Variants in RFX3 observed in about 807,000 individuals in gnomAD.
RFX3 encodes the protein transcription factor RFX3.
Under a neutral mutation model 98.6 loss-of-function variants are expected in RFX3, and 14 were observed. The observed-to-expected ratio is 0.14, with a 90% CI of 0.09 to 0.22. The LOEUF (loss-of-function observed/expected upper bound fraction) is 0.22. RFX3 is among the 10% of genes least tolerant of loss of function. RFX3 has a pLI of 1.00. For missense variants in RFX3, 639 were observed against 926.9 expected, an observed-to-expected ratio of 0.69 and a Z score of 4.03; for synonymous variants, 383 against 328.4, an observed-to-expected ratio of 1.17 and a Z score of -1.80.
chr9:3,411,439 T>G (rs1167336016), intron 1 of RFX3, among the ~76,000 whole-genome samples: 13 of 152,064 alleles, frequency 8.5e-5, no homozygotes, highest in African/African-American at 2.9e-4. Context: ...CTCGGCTCAC[T>G]GCAACCTCCA....
chr9:3,482,964 T>A (rs539798217), intron 1 of RFX3, among the ~76,000 whole-genome samples: 1 of 152,224 alleles, frequency 6.6e-6, no homozygotes. Flanking sequence ...ATGGGTAGAC[T>A]ATCCACAACC....
At chr9:3,249,265 G>A (rs994690027) in intron 14 of RFX3, among the ~76,000 whole-genome samples, 3 of 152,008 alleles carry the variant, frequency 2.0e-5, no homozygotes, top group African/African-American at 7.2e-5. Context: ...TTAAATAGAG[G>A]CTACTAATAC....
intron 2 of RFX3, among the ~76,000 whole-genome samples, chr9:3,379,794 G>C (rs1219866120): frequency 6.6e-6 from 1 of 152,002 alleles, no homozygotes; most frequent in Admixed American, 6.6e-5. Context: ...TCAATAATTT[G>C]TACTTATATC....
rs530044424 is a variant in RFX3 at position 3,359,270 on chromosome 9, T to G, written c.118-12506A>C. 2.6e-5 allele frequency among the ~76,000 whole-genome samples: 4 copies of G among 152,272 alleles called. No homozygotes were observed. In the East Asian group the frequency reaches 7.7e-4, roughly 29 times the overall value. The stretch of plus-strand genomic sequence containing the variant: ...AGTATCTTATGTATACATACCTCAT[T>G]CTACCAGTGAGAAGTTAAGAAGTTA... On this transcript the variant is annotated intron_variant, in intron 2 of 16. Transcript: ENST00000617270.
chr9:3,494,169 A>G (rs1056484515), intron 1 of RFX3, among the ~76,000 whole-genome samples: 7 of 152,228 alleles, frequency 4.6e-5, no homozygotes, highest in Non-Finnish European at 1.5e-5. Context: ...AAGACTGGTA[A>G]AGTGGCTCTA....
chr9:3,486,165 A>G (rs183593342), intron 1 of RFX3, among the ~76,000 whole-genome samples: 16 of 150,222 alleles, frequency 1.1e-4, no homozygotes. Context: ...AATAATACAG[A>G]TATTATTTAG....
chr9:3,437,956 A>C (rs371853307), intron 1 of RFX3, among the ~76,000 whole-genome samples: 9 of 152,132 alleles, frequency 5.9e-5, no homozygotes, highest in African/African-American at 2.2e-4. Context: ...AAAAAAACTA[A>C]TGACGTATAT....
At chr9:3,376,114 C>T (rs768204638) in intron 2 of RFX3, among the ~76,000 whole-genome samples, 45 of 152,130 alleles carry the variant, frequency 3.0e-4, no homozygotes, top group Non-Finnish European at 4.0e-4. Flanking sequence ...CAGAGAAATA[C>T]GGATTAAAAC....
chr9:3,477,148 A>C (rs1849341864), intron 1 of RFX3, among the ~76,000 whole-genome samples: 2 of 152,166 alleles, frequency 1.3e-5, no homozygotes, highest in Non-Finnish European at 2.9e-5. Flanking sequence ...CAGACAGCAA[A>C]GTATAATTCC....
intron 1 of RFX3, among the ~76,000 whole-genome samples, chr9:3,491,602 T>A (rs746132278): frequency 6.6e-6 from 1 of 152,208 alleles, no homozygotes; most frequent in Non-Finnish European, 1.5e-5. Flanking sequence ...CAGTCTACAG[T>A]CATCTGTGTT....
chr9:3,335,763 G>A (rs1833108269), intron 3 of RFX3, among the ~76,000 whole-genome samples: 2 of 152,184 alleles, frequency 1.3e-5, no homozygotes, highest in South Asian at 4.1e-4. Flanking sequence ...CTTGCCGACA[G>A]AAGCTTCTTC....
At chr9:3,319,229 A>T (rs1171287670) in intron 4 of RFX3, among the ~76,000 whole-genome samples, 1 of 152,038 alleles carries the variant, frequency 6.6e-6, no homozygotes, top group African/African-American at 2.4e-5. Flanking sequence ...CTTGTTGGAA[A>T]TGCAAGGGGC....
intron 1 of RFX3, among the ~76,000 whole-genome samples, chr9:3,453,262 A>C (rs1256778292): frequency 1.3e-5 from 2 of 152,034 alleles, no homozygotes; most frequent in African/African-American, 4.8e-5. Flanking sequence ...ACACCCCCCA[A>C]GTGTAACTGG....
chr9:3,406,580 A>C (rs1163507653), intron 1 of RFX3, among the ~76,000 whole-genome samples: 1 of 152,124 alleles, frequency 6.6e-6, no homozygotes, highest in Non-Finnish European at 1.5e-5. Flanking sequence ...ATGTAGCCAC[A>C]GTGCCCAATA....
At chr9:3,341,967 T>G (rs995547994) in intron 3 of RFX3, among the ~76,000 whole-genome samples, 15 of 152,154 alleles carry the variant, frequency 9.9e-5, no homozygotes. Context: ...ATATCGAAAT[T>G]TCACATTCCA....
At chr9:3,385,029 C>G (rs1221164107) in intron 2 of RFX3, among the ~76,000 whole-genome samples, 1 of 152,110 alleles carries the variant, frequency 6.6e-6, no homozygotes, top group Non-Finnish European at 1.5e-5. Flanking sequence ...TAAAGTTTAC[C>G]TTTCTTTGAC....
At chr9:3,399,106 C>T (rs1164542060) in intron 1 of RFX3, among the ~76,000 whole-genome samples, 2 of 151,592 alleles carry the variant, frequency 1.3e-5, no homozygotes, top group Non-Finnish European at 2.9e-5. Context: ...TTCTTAATTG[C>T]TAACATTTAA....
intron 5 of RFX3, 51 bp downstream of exon 5, chr9:3,301,495 C>A: frequency 8.0e-7 from 1 of 1,257,596 alleles, no homozygotes; most frequent in African/African-American, 1.5e-5. Flanking sequence ...AGGCAAGCAA[C>A]ACATGCAGAA....
At chr9:3,366,693 C>CCTTTCTTTCTTTTTTTCTTTCTTTCTTT (rs1837142736) in intron 2 of RFX3, among the ~76,000 whole-genome samples, 27 of 85,490 alleles carry the variant, frequency 3.2e-4, no homozygotes, top group African/African-American at 1.2e-3. Context: ...TTCTTTCTTT[C>CCTTTCTTTCTTTTTTTCTTTCTTTCTTT]CTTTCTTTCT....
Sources: gnomAD v4.1 joint callset for allele counts (sites outside exome capture counted in the v4.1 genomes callset) on GRCh38, gnomAD v4.1.1 for gene constraint, MANE v1.5 for transcripts, NCBI Gene and HGNC (gene_info 2026-07-23, HGNC 2026-07-21) for gene names.